Variants in RIC1 observed in about 807,000 individuals in gnomAD.
The protein encoded by RIC1 is RIC1 partner of RAB6A GEF complex.
In RIC1, 88 loss-of-function variants were observed where a neutral mutation model predicts 169.0. The ratio of observed to expected loss-of-function variants is 0.52; its 90% CI spans 0.44 to 0.62. RIC1 has a LOEUF of 0.62. RIC1 is among the 20% of genes least tolerant of loss of function. RIC1 has a pLI of 0.00. For synonymous variants in RIC1, 790 were observed against 601.5 expected (o/e 1.31, Z -4.59); for missense variants, 1,877 against 1,725.5 (o/e 1.09, Z -1.56).
chr9:5,758,220 A>G (rs1826120571), intron 17 of RIC1, among the ~76,000 whole-genome samples: 1 of 152,192 alleles, frequency 6.6e-6, no homozygotes, highest in Non-Finnish European at 1.5e-5. Context: ...GTTTCTGGGT[A>G]AAGTAACAGG....
At chr9:5,664,835 C>T (rs117871869) in intron 2 of RIC1, among the ~76,000 whole-genome samples, 469 of 152,152 alleles carry the variant, frequency 3.1e-3, no homozygotes, top group Middle Eastern at 0.01. Flanking sequence ...TATTCTTGTC[C>T]GCTTATCTTA....
intron 10 of RIC1, among the ~76,000 whole-genome samples, chr9:5,744,640 A>C (rs1434944048): frequency 6.6e-6 from 1 of 152,168 alleles, no homozygotes; most frequent in East Asian, 1.9e-4. Flanking sequence ...TACATAAAAC[A>C]AAATTTTGAC....
rs1336940697 is a variant in RIC1, at chr9:5,774,241, T to TC, written c.4269dup (p.Ter1424LeufsTer23). The TC allele has an allele frequency of 1.2e-6, 2 of 1,602,174 alleles. No individual in the cohort carries two copies. Among genetic ancestry groups the TC allele is most frequent in the Middle Eastern group, 1.7e-4 (1 of 5,984 alleles). Reference sequence around the variant, plus strand: ...GGATGGGACTTACGACTGTTCTGTGTCCTAACAGTGAGGTTCCATCACAAA... The same window carrying TC: ...GGATGGGACTTACGACTGTTCTGTGTCCCTAACAGTGAGGTTCCATCACAAA... On this transcript the variant is annotated frameshift_variant, in exon 26 of 26. Transcript: ENST00000414202. LOFTEE classifies it high-confidence loss of function.
At chr9:5,704,994 G>T (rs968053339) in intron 3 of RIC1, among the ~76,000 whole-genome samples, 2 of 152,078 alleles carry the variant, frequency 1.3e-5, no homozygotes, top group Non-Finnish European at 2.9e-5. Flanking sequence ...TTATTATTAG[G>T]CTCTTAATTC....
At chr9:5,672,612 T>G (rs1331492222) in intron 2 of RIC1, among the ~76,000 whole-genome samples, 1 of 152,104 alleles carries the variant, frequency 6.6e-6, no homozygotes, top group East Asian at 1.9e-4. Context: ...ATGAGTGTTA[T>G]AGAAAGAAAA....
intron 2 of RIC1, among the ~76,000 whole-genome samples, chr9:5,678,597 A>G (rs1356050950): frequency 2.6e-5 from 4 of 152,128 alleles, no homozygotes; most frequent in Non-Finnish European, 5.9e-5. Flanking sequence ...TCTGATGGCC[A>G]GTGATGATGA....
intron 2 of RIC1, among the ~76,000 whole-genome samples, chr9:5,659,155 A>G (rs1329730228): frequency 6.6e-6 from 1 of 152,148 alleles, no homozygotes; most frequent in Non-Finnish European, 1.5e-5. Flanking sequence ...TTAAAGAACT[A>G]TTCTTTTCCC....
chr9:5,702,479 G>A lies in RIC1; in HGVS notation c.333-11417G>A, dbSNP rs115314762. On this transcript the variant is annotated intron_variant, in intron 3 of 25. Coordinates refer to ENST00000414202, the MANE Select transcript of RIC1 (RefSeq NM_020829.4). ...CGGCCAGAGCAGGAAGCCGGGGAGA[G>A]GTGCTACACACTTACACACTTTTTT... Among the ~76,000 whole-genome samples, 1,309 of 152,180 alleles carry A rather than the reference G, an allele frequency of 8.6e-3. 32 individuals carry two copies. Among genetic ancestry groups the A allele is most frequent in the African/African-American group, 0.03 (1,251 of 41,514 alleles).
intron 3 of RIC1, among the ~76,000 whole-genome samples, chr9:5,696,493 A>C (rs1323852172): frequency 6.6e-6 from 1 of 151,580 alleles, no homozygotes; most frequent in Non-Finnish European, 1.5e-5. Context: ...TCTGCCCTCA[A>C]CTCTCCTATA....
intron 8 of RIC1, among the ~76,000 whole-genome samples, chr9:5,739,604 A>T (rs893937176): frequency 2.6e-5 from 4 of 152,058 alleles, no homozygotes; most frequent in Admixed American, 2.6e-4. Flanking sequence ...TCCTGAGGAG[A>T]ATCAACATTA....
chr9:5,652,457 A>G (rs1292167117), intron 1 of RIC1, among the ~76,000 whole-genome samples: 2 of 151,756 alleles, frequency 1.3e-5, no homozygotes, highest in Non-Finnish European at 2.9e-5. Flanking sequence ...GGGTTTTTTT[A>G]TAGCTATTAA....
intron 1 of RIC1, among the ~76,000 whole-genome samples, chr9:5,651,582 T>C (rs1818805056): frequency 6.9e-6 from 1 of 145,774 alleles, no homozygotes; most frequent in Admixed American, 6.8e-5. Flanking sequence ...TTTTTTTTTA[T>C]TGAGACAGTC....
At chr9:5,671,256 TTTATTA>T (rs1035211190) in intron 2 of RIC1, among the ~76,000 whole-genome samples, 26 of 149,456 alleles carry the variant, frequency 1.7e-4, no homozygotes, top group African/African-American at 4.2e-4. Flanking sequence ...TATTATTTAT[TTTATTA>T]TTATTATTAT....
At chr9:5,727,593 C>T (rs1490970106) in intron 6 of RIC1, among the ~76,000 whole-genome samples, 1 of 152,206 alleles carries the variant, frequency 6.6e-6, no homozygotes, top group African/African-American at 2.4e-5. Context: ...TGGCAAGGAG[C>T]TGCGTTCCTT....
intron 2 of RIC1, among the ~76,000 whole-genome samples, chr9:5,659,823 G>A (rs1403147498): frequency 2.0e-5 from 3 of 152,108 alleles, no homozygotes; most frequent in Non-Finnish European, 2.9e-5. Flanking sequence ...CATTCCAAGT[G>A]TGTAGACATA....
At chr9:5,652,374 C>T (rs960944628) in intron 1 of RIC1, among the ~76,000 whole-genome samples, 2 of 152,008 alleles carry the variant, frequency 1.3e-5, no homozygotes, top group Non-Finnish European at 2.9e-5. Flanking sequence ...TTTGTGTTTT[C>T]TTCATTTTAT....
chr9:5,720,523 C>G (rs1823521721), intron 5 of RIC1, 91 bp from the exon 6 acceptor site: 19 of 1,302,396 alleles, frequency 1.5e-5, no homozygotes, highest in Non-Finnish European at 2.0e-5. Flanking sequence ...TTATTTTTAC[C>G]CTTTTAAACT....
intron 14 of RIC1, among the ~76,000 whole-genome samples, chr9:5,754,558 G>T (rs959144628): frequency 6.6e-6 from 1 of 151,980 alleles, no homozygotes; most frequent in Non-Finnish European, 1.5e-5. Flanking sequence ...ACGAAACCCC[G>T]TCCCTACAAA....
chr9:5,640,502 G>T (rs1818186905), intron 1 of RIC1, among the ~76,000 whole-genome samples: 1 of 151,948 alleles, frequency 6.6e-6, no homozygotes, highest in South Asian at 2.1e-4. Flanking sequence ...ATTCTTTATT[G>T]GTTCGTTTCA....
Sources: gnomAD v4.1 joint callset for allele counts (sites outside exome capture counted in the v4.1 genomes callset) on GRCh38, gnomAD v4.1.1 for gene constraint, MANE v1.5 for transcripts, NCBI Gene and HGNC (gene_info 2026-07-23, HGNC 2026-07-21) for gene names.